Variants in ADGRD1 observed in about 807,000 individuals in gnomAD.
ADGRD1 encodes the protein G-protein coupled receptor 133.
Under a neutral mutation model 113.4 loss-of-function variants are expected in ADGRD1, and 77 were observed. The observed-to-expected ratio is 0.68, with a 90% CI of 0.57 to 0.82. The LOEUF (loss-of-function observed/expected upper bound fraction) is 0.82, where lower values mean the gene tolerates loss of function less well. Ranked by LOEUF, ADGRD1 falls within the 40% of genes least tolerant of loss-of-function variation. The pLI is 0.00. For missense variants in ADGRD1, 1,036 were observed against 1,139.1 expected, an observed-to-expected ratio of 0.91 and a Z score of 1.30; for synonymous variants, 474 against 475.0, an observed-to-expected ratio of 1.00 and a Z score of 0.03.
At position 131,109,348 on chromosome 12, in the gene ADGRD1, G is replaced by A. The variant is rs192199157; in HGVS notation, c.2041+471G>A. On this transcript the variant is annotated intron_variant, in intron 18 of 24. Transcript: ENST00000261654. ...CCAGTGTGTCGAAGTGAAAGTTGAG[G>A]TTACTGAGTTGAGATTTTCTTTTTT... 3.3e-5 allele frequency among the ~76,000 whole-genome samples: 5 copies of A among 152,148 alleles called. No individual in the cohort carries two copies. The East Asian group carries it at 9.7e-4, about 29-fold the overall frequency.
rs1283167332 is a variant in ADGRD1 at position 131,139,486 on chromosome 12, C to T, written c.*223C>T. ...AGCGTGGGCCCTCCTGCCTTGCATCCACCCGTGGGCTGAGTGACTTCCTCG... is the reference window on the plus strand; with the variant it reads ...AGCGTGGGCCCTCCTGCCTTGCATCTACCCGTGGGCTGAGTGACTTCCTCG... On this transcript the variant is annotated 3_prime_UTR_variant, in exon 25 of 25. Transcript: ENST00000261654. 10 of 528,074 alleles carry T rather than the reference C, an allele frequency of 1.9e-5. No individual in the cohort carries two copies. The highest frequency in any genetic ancestry group is 1.3e-4 in the Admixed American group (4 of 31,276). 32.7% of individuals were successfully genotyped at this position (528,074 alleles called of 1,614,324 possible).
At chr12:131,035,708 T>C (rs1289327381) in intron 13 of ADGRD1, among the ~76,000 whole-genome samples, 1 of 152,204 alleles carries the variant, frequency 6.6e-6, no homozygotes, top group Non-Finnish European at 1.5e-5. Flanking sequence ...ACTGACATAG[T>C]ATGATGTTGT....
chr12:131,014,441 C>G, intron 13 of ADGRD1, 101 bp downstream of exon 13: 1 of 1,124,662 alleles, frequency 8.9e-7, no homozygotes, highest in African/African-American at 1.6e-5. Flanking sequence ...CTCCAACAGC[C>G]TTGGTGCCGG....
intron 13 of ADGRD1, among the ~76,000 whole-genome samples, chr12:131,071,768 C>T (rs1445900961): frequency 6.6e-6 from 1 of 152,110 alleles, no homozygotes; most frequent in African/African-American, 2.4e-5. Flanking sequence ...GTGCTCCCTC[C>T]CCAGCCTCTG....
chr12:131,111,032 G>T (rs1950334234), intron 18 of ADGRD1, among the ~76,000 whole-genome samples: 1 of 151,860 alleles, frequency 6.6e-6, no homozygotes, highest in African/African-American at 2.4e-5. Context: ...ATTCTTTGAG[G>T]ACTTTCTCTT....
chr12:131,010,325 T>G (rs1457241910), intron 12 of ADGRD1, among the ~76,000 whole-genome samples: 1 of 152,174 alleles, frequency 6.6e-6, no homozygotes. Flanking sequence ...CACACAGGCA[T>G]GTGTCAGCAG....
At chr12:131,082,208 AC>A (rs953840026) in intron 14 of ADGRD1, among the ~76,000 whole-genome samples, 1 of 152,052 alleles carries the variant, frequency 6.6e-6, no homozygotes, top group Non-Finnish European at 1.5e-5. Flanking sequence ...CATGTTTTTT[AC>A]CGTATTTATG....
chr12:130,983,228 A>G (rs1873231408), intron 5 of ADGRD1, among the ~76,000 whole-genome samples: 2 of 152,140 alleles, frequency 1.3e-5, no homozygotes, highest in Non-Finnish European at 2.9e-5. Flanking sequence ...TAAAGCGTGG[A>G]ATGATGGCAC....
intron 14 of ADGRD1, among the ~76,000 whole-genome samples, chr12:131,081,040 A>ACATGT (rs1397721914): frequency 1.3e-5 from 2 of 152,084 alleles, no homozygotes; most frequent in African/African-American, 4.8e-5. Context: ...GTCCCTCTTT[A>ACATGT]CCCTGGGAAA....
intron 15 of ADGRD1, among the ~76,000 whole-genome samples, chr12:131,102,252 G>T (rs920619575): frequency 1.3e-5 from 2 of 152,190 alleles, no homozygotes; most frequent in Admixed American, 6.5e-5. Context: ...CACCCACCGC[G>T]GCTATGCGAT....
chr12:131,103,169 G>C (rs992298156), intron 15 of ADGRD1, among the ~76,000 whole-genome samples: 1 of 152,260 alleles, frequency 6.6e-6, no homozygotes, highest in Non-Finnish European at 1.5e-5. Context: ...CTGAGCCGGC[G>C]TTCAGCACAG....
chr12:131,039,578 G>A (rs1465996247), intron 13 of ADGRD1, among the ~76,000 whole-genome samples: 1 of 152,230 alleles, frequency 6.6e-6, no homozygotes, highest in African/African-American at 2.4e-5. Context: ...GAGGCTGGCT[G>A]TGTGGACTCT....
chr12:131,104,141 G>A (rs961243322), intron 15 of ADGRD1, among the ~76,000 whole-genome samples: 5 of 152,308 alleles, frequency 3.3e-5, no homozygotes, highest in East Asian at 1.9e-4. Flanking sequence ...GGGTGCTGGC[G>A]ATCACCACCG....
chr12:131,032,218 G>T (rs868264563), intron 13 of ADGRD1, among the ~76,000 whole-genome samples: 1 of 152,126 alleles, frequency 6.6e-6, no homozygotes, highest in African/African-American at 2.4e-5. Flanking sequence ...TTCAGTAGGC[G>T]GCAGACGTTC....
intron 4 of ADGRD1, among the ~76,000 whole-genome samples, chr12:130,981,555 G>T (rs906512905): frequency 3.3e-5 from 5 of 152,154 alleles, no homozygotes; most frequent in African/African-American, 1.2e-4. Context: ...ACTGCCTGGG[G>T]CTGCAGCGAT....
intron 3 of ADGRD1, chr12:130,967,917 T>C (rs1314173762): frequency 6.6e-6 from 1 of 152,256 alleles, no homozygotes; most frequent in East Asian, 1.9e-4. Flanking sequence ...TGCAAGTTTG[T>C]TTCACCACTG....
intron 13 of ADGRD1, among the ~76,000 whole-genome samples, chr12:131,047,863 G>C (rs903173073): frequency 9.2e-5 from 14 of 152,204 alleles, no homozygotes; most frequent in Non-Finnish European, 1.3e-4. Flanking sequence ...CCTCAAGTAA[G>C]GGTCTGAGAT....
intron 4 of ADGRD1, 121 bp from the exon 5 acceptor site, chr12:130,981,763 G>A (rs1046113081): frequency 2.9e-6 from 2 of 678,628 alleles, no homozygotes; most frequent in Admixed American, 2.6e-5. Context: ...AACATACACT[G>A]CCTTTAGAAT....
chr12:130,989,806 C>T (rs1322807516), intron 6 of ADGRD1: 1 of 152,326 alleles, frequency 6.6e-6, no homozygotes, highest in Admixed American at 6.5e-5. Context: ...GATACAAAGG[C>T]ACAGTGCTGA....
Sources: allele counts gnomAD v4.1 joint callset (sites outside exome capture counted in the v4.1 genomes callset), GRCh38; gene constraint gnomAD v4.1.1; transcripts MANE v1.5; gene names NCBI Gene and HGNC (gene_info 2026-07-23, HGNC 2026-07-21).